The following TBC1D22A variants were observed in gnomAD, a reference collection of about 807,000 sequenced individuals.
TBC1D22A encodes putative GTPase activator.
Under a neutral mutation model 60.2 loss-of-function variants are expected in TBC1D22A, and 38 were observed. The ratio of observed to expected loss-of-function variants is 0.63; its 90% CI spans 0.49 to 0.83. The LOEUF (loss-of-function observed/expected upper bound fraction) is 0.83. TBC1D22A is among the 40% of genes least tolerant of loss of function. The probability of loss-of-function intolerance (pLI) is 0.00; values close to 1 mark genes in which losing one functional copy is unlikely to be tolerated. For missense variants in TBC1D22A, 628 were observed against 701.0 expected (o/e 0.90, Z 1.18); for synonymous variants, 302 against 281.7 (o/e 1.07, Z -0.72).
intron 12 of TBC1D22A, among the ~76,000 whole-genome samples, chr22:47,119,828 T>C (rs1036536565): frequency 6.6e-6 from 1 of 152,132 alleles, no homozygotes; most frequent in Non-Finnish European, 1.5e-5. Flanking sequence ...TGGAAATGTA[T>C]TTCTCACTGT....
At chr22:46,947,725 A>T (rs553183440) in intron 8 of TBC1D22A, among the ~76,000 whole-genome samples, 10 of 116,070 alleles carry the variant, frequency 8.6e-5, no homozygotes, top group Non-Finnish European at 1.4e-4. Context: ...TTCCTCCCTC[A>T]CGCTGTTGCC....
intron 10 of TBC1D22A, among the ~76,000 whole-genome samples, chr22:47,026,605 A>G (rs914114262): frequency 6.6e-6 from 1 of 152,244 alleles, no homozygotes; most frequent in African/African-American, 2.4e-5. Flanking sequence ...ATTTTTGTAT[A>G]TTAACAGTGA....
intron 9 of TBC1D22A, among the ~76,000 whole-genome samples, chr22:46,987,083 C>A (rs1241444133): frequency 6.6e-6 from 1 of 152,160 alleles, no homozygotes; most frequent in African/African-American, 2.4e-5. Context: ...GTACAAGGCT[C>A]CCAGTGAGAC....
At chr22:46,786,955 T>A (rs996800090) in intron 1 of TBC1D22A, among the ~76,000 whole-genome samples, 1 of 152,148 alleles carries the variant, frequency 6.6e-6, no homozygotes, top group Non-Finnish European at 1.5e-5. Flanking sequence ...CCAAAGTGCT[T>A]GATTACAAAC....
intron 1 of TBC1D22A, among the ~76,000 whole-genome samples, chr22:46,768,414 G>T (rs2083364909): frequency 6.6e-6 from 1 of 150,664 alleles, no homozygotes; most frequent in Non-Finnish European, 1.5e-5. Flanking sequence ...GAACACAGGA[G>T]GCAGAGGTTG....
At chr22:47,022,723 G>C (rs1436966208) in intron 10 of TBC1D22A, among the ~76,000 whole-genome samples, 4 of 152,176 alleles carry the variant, frequency 2.6e-5, no homozygotes, top group African/African-American at 7.2e-5. Flanking sequence ...AACTGTGTCT[G>C]TTCTCCAAAG....
At chr22:46,856,141 G>C (rs948855411) in intron 4 of TBC1D22A, among the ~76,000 whole-genome samples, 1 of 152,206 alleles carries the variant, frequency 6.6e-6, no homozygotes, top group East Asian at 1.9e-4. Context: ...TGAGCCTGGG[G>C]TACAGCACGT....
intron 1 of TBC1D22A, among the ~76,000 whole-genome samples, chr22:46,783,323 G>A (rs1178038542): frequency 1.3e-5 from 2 of 152,170 alleles, no homozygotes; most frequent in African/African-American, 2.4e-5. Flanking sequence ...AGAGTAAGGC[G>A]GTGCTCCAGC....
chr22:46,769,341 T>C (rs2083407942), intron 1 of TBC1D22A, among the ~76,000 whole-genome samples: 1 of 152,234 alleles, frequency 6.6e-6, no homozygotes, highest in South Asian at 2.1e-4. Context: ...ATGAATTCAT[T>C]TGGAAAACGT....
chr22:47,163,612 G>A (rs950143752), intron 12 of TBC1D22A, among the ~76,000 whole-genome samples: 9 of 152,216 alleles, frequency 5.9e-5, no homozygotes, highest in African/African-American at 2.2e-4. Context: ...AGCCAGGAGA[G>A]GGCAGAGGGT....
At chr22:46,870,137 A>G (rs1002388926) in intron 4 of TBC1D22A, among the ~76,000 whole-genome samples, 6 of 152,242 alleles carry the variant, frequency 3.9e-5, no homozygotes, top group Middle Eastern at 3.2e-3. Flanking sequence ...GACTTAAGCA[A>G]GGCAAGTATT....
chr22:46,821,650 C>T (rs1443880679), intron 4 of TBC1D22A, among the ~76,000 whole-genome samples: 1 of 152,160 alleles, frequency 6.6e-6, no homozygotes, highest in Non-Finnish European at 1.5e-5. Flanking sequence ...TGGCCTTTCT[C>T]TCTGGCTGTT....
intron 12 of TBC1D22A, among the ~76,000 whole-genome samples, chr22:47,136,141 A>G (rs1253343811): frequency 3.9e-5 from 6 of 152,240 alleles, no homozygotes; most frequent in Non-Finnish European, 8.8e-5. Context: ...CTCGGGGGCC[A>G]AGGCCCAGGC....
At chr22:47,173,442 C>A (rs1211481994) in intron 12 of TBC1D22A, 56 bp from the exon 13 acceptor site, 1 of 1,598,938 alleles carries the variant, frequency 6.3e-7, no homozygotes, top group Non-Finnish European at 8.6e-7. Context: ...TCTGGGGTCA[C>A]CCGCCCTCCA....
At chr22:46,865,058 C>T (rs2066986365) in intron 4 of TBC1D22A, among the ~76,000 whole-genome samples, 1 of 152,238 alleles carries the variant, frequency 6.6e-6, no homozygotes, top group African/African-American at 2.4e-5. Context: ...CACACCAGGT[C>T]ATACCTCTGA....
intron 8 of TBC1D22A, among the ~76,000 whole-genome samples, chr22:46,924,164 T>G (rs188734969): frequency 6.6e-6 from 1 of 152,336 alleles, no homozygotes; most frequent in Admixed American, 6.5e-5. Context: ...GCCTCCGTGC[T>G]ATTTAAATGT....
chr22:46,789,428 A>C (rs764397507), intron 1 of TBC1D22A: 2 of 446,208 alleles, frequency 4.5e-6, no homozygotes, highest in South Asian at 3.3e-5. Context: ...CTCTTGTAGG[A>C]ATCATCATAG....
At chr22:47,049,383 C>G (rs367827801) in intron 11 of TBC1D22A, among the ~76,000 whole-genome samples, 1 of 152,240 alleles carries the variant, frequency 6.6e-6, no homozygotes, top group Admixed American at 6.5e-5. Context: ...CCCTGGGCAG[C>G]GGGACCTTTG....
chr22:46,774,457 C>T (rs184014551), intron 1 of TBC1D22A, among the ~76,000 whole-genome samples: 119 of 152,348 alleles, frequency 7.8e-4, no homozygotes, highest in Middle Eastern at 3.4e-3. Context: ...CCGAGTGCTG[C>T]GGTTCATGAA....
Sources: gnomAD v4.1 joint callset for allele counts (sites outside exome capture counted in the v4.1 genomes callset) on GRCh38, gnomAD v4.1.1 for gene constraint, MANE v1.5 for transcripts, NCBI Gene and HGNC (gene_info 2026-07-23, HGNC 2026-07-21) for gene names.